Variants in SETBP1 observed in about 807,000 individuals in gnomAD.
The protein encoded by SETBP1 is SET-binding protein.
In SETBP1, 9 loss-of-function variants were observed where a neutral mutation model predicts 101.0. That is an observed-to-expected ratio of 0.09 (90% confidence interval 0.05 to 0.16). The LOEUF (loss-of-function observed/expected upper bound fraction) is 0.16, where lower values mean the gene tolerates loss of function less well. Ranked by LOEUF, SETBP1 falls within the 10% of genes least tolerant of loss-of-function variation. The pLI is 1.00. For synonymous variants in SETBP1, 818 were observed against 788.5 expected, an observed-to-expected ratio of 1.04 and a Z score of -0.63; for missense variants, 1,858 against 2,033.8, an observed-to-expected ratio of 0.91 and a Z score of 1.66.
intron 2 of SETBP1, among the ~76,000 whole-genome samples, chr18:44,778,782 A>G (rs1033442674): frequency 6.6e-6 from 1 of 152,204 alleles, no homozygotes; most frequent in African/African-American, 2.4e-5. Flanking sequence ...GAATTATGGA[A>G]CTTGTCATTG....
chr18:44,883,315 T>G lies in SETBP1; in HGVS notation c.540+14032T>G, dbSNP rs991085747. ...CTGCCCTCTTGAGTCTAGGCCAGTT[T>G]TAGAGGCTACTAATGTAGCTCAGCC... On this transcript the variant is annotated intron_variant, in intron 3 of 5. Transcript: ENST00000649279. Among the ~76,000 whole-genome samples the G allele has an allele frequency of 3.7e-4, 56 of 152,328 alleles. 1 individual carries two copies. The highest frequency in any genetic ancestry group is 2.3e-3 in the Admixed American group (35 of 15,292).
intron 4 of SETBP1, among the ~76,000 whole-genome samples, chr18:45,015,823 C>T (rs1295136349): frequency 6.6e-6 from 1 of 152,180 alleles, no homozygotes; most frequent in Admixed American, 6.5e-5. Flanking sequence ...GCCCATAAAT[C>T]ATTTCTTTTA....
intron 4 of SETBP1, among the ~76,000 whole-genome samples, chr18:44,960,299 T>C (rs2071584919): frequency 6.6e-6 from 1 of 152,182 alleles, no homozygotes; most frequent in African/African-American, 2.4e-5. Flanking sequence ...CTTTTTCCCG[T>C]ACTCCGAGGC....
intron 1 of SETBP1, among the ~76,000 whole-genome samples, chr18:44,685,650 G>T (rs1157194336): frequency 6.6e-6 from 1 of 152,114 alleles, no homozygotes; most frequent in East Asian, 1.9e-4. Flanking sequence ...CCTACTTCAC[G>T]GGGGTTATGA....
chr18:44,876,926 C>A lies in SETBP1; in HGVS notation c.540+7643C>A, dbSNP rs2069419822. 6 of 1,363,270 alleles carry A rather than the reference C, an allele frequency of 4.4e-6. No individual in the cohort carries two copies. In the Admixed American group the frequency reaches 1.9e-4, roughly 43 times the overall value. The allele number at this position is 1,363,270 out of a possible 1,614,324, so 84.4% of individuals were successfully genotyped here. A position where few individuals can be genotyped will look rare whatever the true frequency, so the allele number is the denominator to read the frequency against. On this transcript the variant is annotated intron_variant, in intron 3 of 5. Transcript: ENST00000649279. ...GGTCTAAAAGATAATCCAAAAAGAT[C>A]CAGCTTCACAATGCTGCCCTGAAGA...
intron 2 of SETBP1, among the ~76,000 whole-genome samples, chr18:44,740,555 T>TA (rs1385253337): frequency 3.0e-4 from 46 of 152,304 alleles, no homozygotes; most frequent in African/African-American, 9.9e-4. Context: ...GAAATAGGGG[T>TA]AGAAAGCCTT....
At chr18:45,046,141 T>G (rs1349550152) in intron 5 of SETBP1, among the ~76,000 whole-genome samples, 2 of 152,218 alleles carry the variant, frequency 1.3e-5, no homozygotes, top group African/African-American at 4.8e-5. Context: ...GACCAAAGGA[T>G]CGCATAGTCC....
chr18:44,710,450 G>GT (rs11375634), intron 2 of SETBP1, among the ~76,000 whole-genome samples: 112,482 of 123,410 alleles, frequency 0.91, 51,352 homozygotes, highest in Middle Eastern at 0.96. Context: ...CATTTTAGGA[G>GT]TTTTTTTTTT....
intron 2 of SETBP1, among the ~76,000 whole-genome samples, chr18:44,790,348 A>G (rs1308119626): frequency 6.6e-6 from 1 of 152,190 alleles, no homozygotes; most frequent in Non-Finnish European, 1.5e-5. Flanking sequence ...ACTGCTTCCA[A>G]AGTATTAGCA....
At chr18:44,824,706 TC>T (rs1271270415) in intron 2 of SETBP1, among the ~76,000 whole-genome samples, 1 of 152,000 alleles carries the variant, frequency 6.6e-6, no homozygotes, top group Non-Finnish European at 1.5e-5. Context: ...CTTTTTCTTT[TC>T]CCCAGGGAAT....
At chr18:44,681,045 C>G (rs1397023421) in intron 1 of SETBP1, 24 bp downstream of exon 1, 1 of 152,162 alleles carries the variant, frequency 6.6e-6, no homozygotes, top group African/African-American at 2.4e-5. Flanking sequence ...TGTGTTGTGC[C>G]TGTGTGTTAG....
At chr18:44,837,539 A>C (rs991271143) in intron 2 of SETBP1, among the ~76,000 whole-genome samples, 4 of 152,238 alleles carry the variant, frequency 2.6e-5, no homozygotes, top group African/African-American at 9.6e-5. Flanking sequence ...CCTTGTACAT[A>C]GTCATCACAT....
chr18:45,035,224 T>C (rs1470122632), intron 4 of SETBP1, among the ~76,000 whole-genome samples: 1 of 152,226 alleles, frequency 6.6e-6, no homozygotes, highest in Non-Finnish European at 1.5e-5. Flanking sequence ...TTGTGTTATT[T>C]CTAGGATTGT....
chr18:44,948,236 G>T (rs1030949070), intron 3 of SETBP1, among the ~76,000 whole-genome samples: 1 of 152,100 alleles, frequency 6.6e-6, no homozygotes. Context: ...TTCACTTGAG[G>T]AAACTATCTC....
chr18:44,978,758 A>G (rs1224681148), intron 4 of SETBP1, among the ~76,000 whole-genome samples: 4 of 152,194 alleles, frequency 2.6e-5, no homozygotes, highest in Admixed American at 6.5e-5. Context: ...TGTTTCCTGC[A>G]CTGCAGACAT....
At chr18:45,010,863 G>C (rs1449844840) in intron 4 of SETBP1, among the ~76,000 whole-genome samples, 1 of 152,168 alleles carries the variant, frequency 6.6e-6, no homozygotes, top group Non-Finnish European at 1.5e-5. Flanking sequence ...AATTTCTCGA[G>C]GTCATGGTTG....
At chr18:44,743,878 T>A (rs1425583126) in intron 2 of SETBP1, among the ~76,000 whole-genome samples, 4 of 152,234 alleles carry the variant, frequency 2.6e-5, no homozygotes, top group Non-Finnish European at 4.4e-5. Flanking sequence ...AGTGTAAAGA[T>A]GTCACTGAAT....
intron 4 of SETBP1, among the ~76,000 whole-genome samples, chr18:44,980,572 C>G (rs1211975082): frequency 6.6e-6 from 1 of 152,100 alleles, no homozygotes; most frequent in African/African-American, 2.4e-5. Flanking sequence ...TCCCGTGCCT[C>G]TCCCGTCTCT....
rs1287373435 is a variant in SETBP1 at position 44,977,724 on chromosome 18, G to A, written c.4000+24384G>A. Among the ~76,000 whole-genome samples, 3 of 152,208 alleles carry A rather than the reference G, an allele frequency of 2.0e-5. No homozygotes were observed. The East Asian group carries it at 5.8e-4, about 29-fold the overall frequency. ...TTAGGGATGACAGGCTCAATTCACA[G>A]AGGCCAATGTGGCCGATAAACATGG... On this transcript the variant is annotated intron_variant, in intron 4 of 5. Transcript: ENST00000649279.
Sources: allele counts gnomAD v4.1 joint callset (sites outside exome capture counted in the v4.1 genomes callset), GRCh38; gene constraint gnomAD v4.1.1; transcripts MANE v1.5; gene names NCBI Gene and HGNC (gene_info 2026-07-23, HGNC 2026-07-21).